ALDH8A1: variants seen among roughly 807,000 people sequenced by gnomAD.
ALDH8A1 encodes aldehyde dehydrogenase 8 family member A1, also known as 2-aminomuconic semialdehyde dehydrogenase.
A neutral mutation model predicts 43.3 loss-of-function variants in ALDH8A1; 39 were observed. That is an observed-to-expected ratio of 0.90 (90% CI 0.70 to 1.18). ALDH8A1 has a LOEUF of 1.18. Among genes scored for constraint, ALDH8A1 ranks in the 50% most tolerant of loss-of-function variants. ALDH8A1 has a pLI of 0.00. For missense variants in ALDH8A1, 605 were observed against 622.6 expected (o/e 0.97, Z 0.30); for synonymous variants, 233 against 243.5 (o/e 0.96, Z 0.40).
intron 6 of ALDH8A1, among the ~76,000 whole-genome samples, chr6:134,921,111 G>A (rs1205740769): frequency 1.3e-5 from 2 of 152,146 alleles, no homozygotes; most frequent in East Asian, 3.9e-4. Context: ...GATGATGTTG[G>A]TGATGATGAT....
chr6:134,918,520 C>T lies in ALDH8A1; in HGVS notation c.1359G>A (p.Leu453=), dbSNP rs1416703424. The stretch of plus-strand genomic sequence containing the variant: ...TCTTCATCCCCCCGAAAGGAAGGTT[C>T]AGCTCCCTGATGAGCCAGCAGTTGG... ...VWTNCWLIRE[L]NLPFGGMKSS... is the part of the protein sequence containing the mutation. Residue 453 remains leucine (L), a synonymous_variant, in exon 7 of 7, where the codon CTG becomes CTA. Transcript: ENST00000265605. 12 of 1,614,198 alleles carry T rather than the reference C, an allele frequency of 7.4e-6. No individual in the cohort carries two copies. In the South Asian group the frequency reaches 1.3e-4, roughly 18 times the overall value.
chr6:134,925,016 C>T (rs1030623754), intron 6 of ALDH8A1, among the ~76,000 whole-genome samples: 12 of 152,058 alleles, frequency 7.9e-5, no homozygotes, highest in African/African-American at 2.7e-4. Context: ...AAATATGAAC[C>T]TGCAGAAATT....
At chr6:134,939,518 C>A in intron 3 of ALDH8A1, 103 bp from the exon 4 acceptor site, 2 of 1,359,280 alleles carry the variant, frequency 1.5e-6, no homozygotes, top group South Asian at 2.9e-5. Context: ...CTGCAGAAAA[C>A]TTAGCTTACT....
At chr6:134,930,164 G>A (rs1262516232) in intron 5 of ALDH8A1, among the ~76,000 whole-genome samples, 1 of 152,224 alleles carries the variant, frequency 6.6e-6, no homozygotes, top group African/African-American at 2.4e-5. Flanking sequence ...GAAAGAGAGG[G>A]CAAGAACAAG....
At chr6:134,945,404 G>A (rs1773933158) in intron 1 of ALDH8A1, among the ~76,000 whole-genome samples, 1 of 152,152 alleles carries the variant, frequency 6.6e-6, no homozygotes, top group African/African-American at 2.4e-5. Flanking sequence ...TGGACAGATG[G>A]CTTGGGTACC....
intron 6 of ALDH8A1, among the ~76,000 whole-genome samples, chr6:134,928,633 C>T (rs1480789051): frequency 6.6e-6 from 1 of 152,182 alleles, no homozygotes; most frequent in Non-Finnish European, 1.5e-5. Flanking sequence ...ACCCCTGGTC[C>T]CCCACTGACT....
At chr6:134,939,798 C>T (rs1383428980) in intron 3 of ALDH8A1, among the ~76,000 whole-genome samples, 1 of 152,004 alleles carries the variant, frequency 6.6e-6, no homozygotes, top group Admixed American at 6.6e-5. Flanking sequence ...TTCACAATAG[C>T]AATAGCAAAG....
At chr6:134,925,801 T>G (rs1776872241) in intron 6 of ALDH8A1, among the ~76,000 whole-genome samples, 1 of 152,042 alleles carries the variant, frequency 6.6e-6, no homozygotes, top group Non-Finnish European at 1.5e-5. Flanking sequence ...GGTACCACTG[T>G]ATATAGGGTA....
At chr6:134,949,699 T>A (rs1246894250) in intron 1 of ALDH8A1, among the ~76,000 whole-genome samples, 1 of 152,190 alleles carries the variant, frequency 6.6e-6, no homozygotes, top group Non-Finnish European at 1.5e-5. Context: ...TTAGGTTGGC[T>A]AGAAAAATGA....
At position 134,929,073 on chromosome 6, in the gene ALDH8A1, C is replaced by T; in HGVS notation, c.992G>A (p.Ser331Asn). 6.2e-7 allele frequency: 1 copy of T among 1,613,958 alleles called. No individual in the cohort carries two copies. The highest frequency in any genetic ancestry group is 8.5e-7 in the Non-Finnish European group (1 of 1,179,988). Residue 331 changes from serine (S) to asparagine (N), a missense_variant, in exon 6 of 7, where the codon AGT becomes AAT. Coordinates refer to ENST00000265605, the MANE Select transcript of ALDH8A1 (RefSeq NM_022568.4). ...DPLVSIGALI[S>N]KAHLEKVRSY... is the part of the protein sequence containing the mutation. Reference sequence around the variant, plus strand: ...ACTTACTTTCTCCAAATGTGCTTTACTTATCAGAGCACCTATGCTCACCAG... The same window carrying T: ...ACTTACTTTCTCCAAATGTGCTTTATTTATCAGAGCACCTATGCTCACCAG...
chr6:134,944,895 AT>A (rs1178356923), intron 1 of ALDH8A1, among the ~76,000 whole-genome samples: 2 of 148,090 alleles, frequency 1.4e-5, no homozygotes, highest in East Asian at 3.9e-4. Flanking sequence ...TCTCAAAAAA[AT>A]GTATATGTTA....
chr6:134,949,168 G>A (rs1435179574), intron 1 of ALDH8A1, among the ~76,000 whole-genome samples: 1 of 152,016 alleles, frequency 6.6e-6, no homozygotes, highest in Non-Finnish European at 1.5e-5. Context: ...TAATTCATAA[G>A]GCATTAGATG....
intron 4 of ALDH8A1, among the ~76,000 whole-genome samples, chr6:134,936,284 C>T (rs1364786686): frequency 6.6e-6 from 1 of 152,224 alleles, no homozygotes; most frequent in Non-Finnish European, 1.5e-5. Context: ...ATCTCTTTAC[C>T]CAACATGCAC....
At chr6:134,934,204 C>T (rs907510611) in intron 4 of ALDH8A1, among the ~76,000 whole-genome samples, 1 of 152,138 alleles carries the variant, frequency 6.6e-6, no homozygotes. Flanking sequence ...TTGGCCAAAG[C>T]GATCCCAGAG....
intron 1 of ALDH8A1, chr6:134,944,276 C>T (rs1773914455): frequency 1.3e-5 from 3 of 239,646 alleles, no homozygotes; most frequent in South Asian, 6.1e-5. Context: ...ACCATGCTGA[C>T]CAGGCCGGTC....
chr6:134,939,552 G>C (rs1163394705), intron 3 of ALDH8A1, 137 bp from the exon 4 acceptor site: 1 of 1,041,698 alleles, frequency 9.6e-7, no homozygotes, highest in Non-Finnish European at 1.3e-6. Flanking sequence ...CCCAAGCTTT[G>C]CTTATTTGTA....
chr6:134,938,513 C>T (rs1005802208), intron 4 of ALDH8A1, among the ~76,000 whole-genome samples: 6 of 152,328 alleles, frequency 3.9e-5, no homozygotes, highest in Non-Finnish European at 7.3e-5. Flanking sequence ...ATATTTAGAT[C>T]TCTTGAAATC....
chr6:134,943,689 G>A, intron 2 of ALDH8A1, 130 bp downstream of exon 2: 2 of 1,382,650 alleles, frequency 1.4e-6, no homozygotes, highest in Admixed American at 2.3e-5. Context: ...GAGCAGGGGA[G>A]GGTTTGCTCT....
chr6:134,932,309 C>T (rs111240814), intron 5 of ALDH8A1, among the ~76,000 whole-genome samples: 19 of 152,268 alleles, frequency 1.2e-4, no homozygotes, highest in East Asian at 1.9e-4. Context: ...CATGAATCCA[C>T]GCCAAGAAAT....
Sources: allele counts gnomAD v4.1 joint callset (sites outside exome capture counted in the v4.1 genomes callset), GRCh38; gene constraint gnomAD v4.1.1; transcripts MANE v1.5; gene names NCBI Gene and HGNC (gene_info 2026-07-23, HGNC 2026-07-21).